The following NRXN1 variants were observed in gnomAD, a reference collection of about 807,000 sequenced individuals.
NRXN1 encodes neurexin-1.
Under a neutral mutation model 150.9 loss-of-function variants are expected in NRXN1, and 39 were observed. The observed-to-expected ratio is 0.26, with a 90% CI of 0.20 to 0.34. The LOEUF is 0.34. NRXN1 is among the 10% of genes least tolerant of loss of function. The pLI, the probability that NRXN1 is intolerant of heterozygous loss-of-function variation, is 1.00. For missense variants in NRXN1, 1,815 were observed against 1,949.9 expected (o/e 0.93, Z 1.30); for synonymous variants, 924 against 757.0 (o/e 1.22, Z -3.62).
Position 50,253,089 on chromosome 2 carries a change from A to G in NRXN1, c.3365-16119T>C, listed in dbSNP as rs887501218. On this transcript the variant is annotated intron_variant, in intron 17 of 22. Coordinates refer to ENST00000401669, the MANE Select transcript of NRXN1 (RefSeq NM_001330078.2). ...GTTTGTGTCCTTTCTTGTTTTCTTG[A>G]GCAATGGTTTGTAGTTCCCCTTGAA... 4.6e-5 allele frequency among the ~76,000 whole-genome samples: 7 copies of G among 152,156 alleles called. No individual in the cohort carries two copies. The East Asian group carries it at 9.7e-4, about 21-fold the overall frequency.
chr2:49,920,961 C>A lies in NRXN1; in HGVS notation c.*983G>T, dbSNP rs1308828222. The A allele has an allele frequency of 1.6e-5, 2 of 122,752 alleles. No homozygotes were observed. The highest frequency in any genetic ancestry group is 6.1e-5 in the African/African-American group (2 of 32,664). The allele number at this position is 122,752 out of a possible 1,614,324, so 7.6% of individuals were successfully genotyped here. A position where few individuals can be genotyped will look rare whatever the true frequency, so the allele number is the denominator to read the frequency against. On this transcript the variant is annotated 3_prime_UTR_variant, in exon 23 of 23. Transcript: ENST00000401669. ...TAGAATAAACACTACACTGTAATTT[C>A]TTTAAAAAATAAAAGTAATTGTGGC...
intron 18 of NRXN1, among the ~76,000 whole-genome samples, chr2:50,097,965 C>T (rs1700464126): frequency 6.6e-6 from 1 of 152,102 alleles, no homozygotes; most frequent in African/African-American, 2.4e-5. Flanking sequence ...AAGTGAATTA[C>T]TTAGAGGCCC....
intron 5 of NRXN1, among the ~76,000 whole-genome samples, chr2:50,770,979 G>A (rs1352298165): frequency 2.6e-5 from 4 of 152,010 alleles, no homozygotes; most frequent in South Asian, 2.1e-4. Context: ...TCTTAATTAC[G>A]TTTGAACCCT....
chr2:50,128,503 AAT>A (rs1273413403), intron 18 of NRXN1, among the ~76,000 whole-genome samples: 3 of 152,160 alleles, frequency 2.0e-5, no homozygotes, highest in Non-Finnish European at 2.9e-5. Flanking sequence ...TATTTACAGA[AAT>A]ATATACACCA....
chr2:50,276,702 G>A (rs1218616567), intron 17 of NRXN1, among the ~76,000 whole-genome samples: 1 of 152,114 alleles, frequency 6.6e-6, no homozygotes, highest in Non-Finnish European at 1.5e-5. Flanking sequence ...TGACAACATT[G>A]TAATCTTTCT....
At chr2:49,969,655 T>C (rs1265907411) in intron 21 of NRXN1, 1 of 152,212 alleles carries the variant, frequency 6.6e-6, no homozygotes, top group East Asian at 1.9e-4. Context: ...AAGAATTTTG[T>C]CTTTGATATA....
intron 5 of NRXN1, among the ~76,000 whole-genome samples, chr2:50,820,065 T>C (rs1559308920): frequency 6.6e-6 from 1 of 152,112 alleles, no homozygotes. Flanking sequence ...CCAGGACTCA[T>C]GTTTTTATTA....
At chr2:50,952,827 C>T (rs17513189) in intron 2 of NRXN1, among the ~76,000 whole-genome samples, 2 of 152,106 alleles carry the variant, frequency 1.3e-5, no homozygotes, top group Non-Finnish European at 2.9e-5. Flanking sequence ...TGAGCTTCAA[C>T]CCTACCCTCC....
intron 2 of NRXN1, among the ~76,000 whole-genome samples, chr2:51,004,302 T>G (rs1300887589): frequency 6.6e-6 from 1 of 151,954 alleles, no homozygotes; most frequent in Non-Finnish European, 1.5e-5. Flanking sequence ...CTAAAACAGT[T>G]ATAGCAGCCA....
intron 5 of NRXN1, among the ~76,000 whole-genome samples, chr2:50,826,259 T>A (rs2105855034): frequency 6.6e-6 from 1 of 152,146 alleles, no homozygotes; most frequent in African/African-American, 2.4e-5. Flanking sequence ...AACAAGCTAG[T>A]CATGTAATCT....
rs1487717390 is a variant in NRXN1 at position 50,497,461 on chromosome 2, G to C, written c.2751C>G (p.Ala917=). 6.2e-7 allele frequency: 1 copy of C among 1,613,870 alleles called. No homozygotes were observed. Among genetic ancestry groups the C allele is most frequent in the Non-Finnish European group, 8.5e-7 (1 of 1,179,832 alleles). Residue 917 remains alanine (A), a synonymous_variant, in exon 14 of 23, where the codon GCC becomes GCG. Transcript: ENST00000401669. ...AAGTGTAGGCTTGCAAGGTAGCTAA[G>C]GCAACATAGCTCGATTTGGTCTTGA... ...VTFKTKSSYV[A]LATLQAYTSM... is the part of the protein sequence containing the mutation.
At chr2:50,945,328 C>T (rs1690171778) in intron 2 of NRXN1, among the ~76,000 whole-genome samples, 1 of 151,964 alleles carries the variant, frequency 6.6e-6, no homozygotes, top group Non-Finnish European at 1.5e-5. Flanking sequence ...AGCTGGTGTG[C>T]TGGTGCACAT....
Position 50,369,608 on chromosome 2 carries a change from T to C in NRXN1, c.3364+95834A>G, listed in dbSNP as rs2079862526. Among the ~76,000 whole-genome samples, 3 of 152,136 alleles carry C rather than the reference T, an allele frequency of 2.0e-5. No homozygotes were observed. The South Asian group carries it at 6.2e-4, about 32-fold the overall frequency. On this transcript the variant is annotated intron_variant, in intron 17 of 22. Transcript: ENST00000401669. ...CTGGAAAAGTAGCCAGTTTGTGATG[T>C]TCTTTTTGATTTCTGACTATAATTT...
chr2:50,347,165 G>A lies in NRXN1; in HGVS notation c.3365-110195C>T. 2.2e-6 allele frequency: 3 copies of A among 1,368,370 alleles called. No individual in the cohort carries two copies. Among genetic ancestry groups the A allele is most frequent in the Non-Finnish European group, 2.9e-6 (3 of 1,041,378 alleles). The allele number at this position is 1,368,370 out of a possible 1,614,324, so 84.8% of individuals were successfully genotyped here. On this transcript the variant is annotated intron_variant, in intron 17 of 22. Transcript: ENST00000401669. This position sits in a 1 kb window ranked among gnomAD's most constrained non-coding sequence, Gnocchi z 4.9. ...CCAAACAATCCGAAACATAGCCGAG[G>A]CGAATGCAGCTGGAGAGGGGCTTGT...
chr2:50,074,703 A>T (rs891702433), intron 19 of NRXN1, among the ~76,000 whole-genome samples: 9 of 152,174 alleles, frequency 5.9e-5, no homozygotes, highest in African/African-American at 2.2e-4. Flanking sequence ...TAGAATTAGA[A>T]CAGAGTCTAA....
chr2:50,140,668 TC>T (rs1323012113), intron 18 of NRXN1, among the ~76,000 whole-genome samples: 2 of 144,542 alleles, frequency 1.4e-5, no homozygotes, highest in Non-Finnish European at 3.0e-5. Context: ...TTTTTCTCTC[TC>T]TTTTTTTTTT....
intron 5 of NRXN1, among the ~76,000 whole-genome samples, chr2:50,651,493 ACATGACATGACATGACATAACATG>A (rs1292091354): frequency 8.1e-5 from 12 of 149,028 alleles, no homozygotes. Flanking sequence ...ACATGACATG[ACATGACATGACATGACATAACATG>A]ACATAACATA....
At chr2:49,924,092 A>G (rs1668679567) in intron 22 of NRXN1, among the ~76,000 whole-genome samples, 1 of 152,238 alleles carries the variant, frequency 6.6e-6, no homozygotes, top group Non-Finnish European at 1.5e-5. Context: ...AAATACAGTC[A>G]TCTTTGCCAA....
rs770646605 is a variant in NRXN1, at chr2:50,091,459, C to G, written c.3582G>C (p.Gly1194=). 1 of 1,614,062 alleles carries G rather than the reference C, an allele frequency of 6.2e-7. No homozygotes were observed. Among genetic ancestry groups the G allele is most frequent in the South Asian group, 1.1e-5 (1 of 91,080 alleles). ...QGKIGVKFNV[G]TDDIAIEESN... Reference sequence around the variant, plus strand: ...ATTCTTCAATGGCGATGTCATCTGTCCCAACATTAAACTTAACTCCAATTT... The same window carrying G: ...ATTCTTCAATGGCGATGTCATCTGTGCCAACATTAAACTTAACTCCAATTT... The change falls in exon 19 of 23, where the codon GGG becomes GGC. Residue 1194 remains glycine, a synonymous_variant. Transcript: ENST00000401669.
Sources: gnomAD v4.1 joint callset for allele counts (sites outside exome capture counted in the v4.1 genomes callset) on GRCh38, gnomAD v4.1.1 for gene constraint, Gnocchi (gnomAD v3.1) non-coding constraint, MANE v1.5 for transcripts, NCBI Gene and HGNC (gene_info 2026-07-23, HGNC 2026-07-21) for gene names.